Variants in PBX3 observed in about 807,000 individuals in gnomAD.
PBX3 encodes the protein PBX homeobox 3.
In PBX3, 14 loss-of-function variants were observed where a neutral mutation model predicts 48.5. That is an observed-to-expected ratio of 0.29 (90% CI 0.19 to 0.45). The LOEUF is 0.45. Ranked by LOEUF, PBX3 falls within the 20% of genes least tolerant of loss-of-function variation. The pLI is 1.00. For synonymous variants in PBX3, 210 were observed against 200.3 expected, an observed-to-expected ratio of 1.05 and a Z score of -0.41; for missense variants, 386 against 546.7, an observed-to-expected ratio of 0.71 and a Z score of 2.93.
intron 2 of PBX3, among the ~76,000 whole-genome samples, chr9:125,801,706 C>G (rs1284556386): frequency 2.6e-5 from 4 of 151,736 alleles, no homozygotes; most frequent in Non-Finnish European, 1.5e-5. Flanking sequence ...TCCAGCATTT[C>G]CCGTCATAGC....
intron 5 of PBX3, among the ~76,000 whole-genome samples, chr9:125,948,692 G>A (rs1479170189): frequency 7.0e-6 from 1 of 143,354 alleles, no homozygotes; most frequent in Non-Finnish European, 1.5e-5. Flanking sequence ...CTGTATATAT[G>A]TGCAGGTATA....
At chr9:125,914,558 T>TA (rs1841282839) in intron 2 of PBX3, among the ~76,000 whole-genome samples, 2 of 152,152 alleles carry the variant, frequency 1.3e-5, no homozygotes, top group African/African-American at 4.8e-5. Context: ...TCATGTAAGT[T>TA]ACACTAGACA....
chr9:125,813,399 C>T (rs1258017600), intron 2 of PBX3, among the ~76,000 whole-genome samples: 2 of 152,078 alleles, frequency 1.3e-5, no homozygotes, highest in Admixed American at 6.5e-5. Flanking sequence ...CTTATGAAAC[C>T]ATCATTGTAT....
At chr9:125,880,836 T>G (rs1840364211) in intron 2 of PBX3, among the ~76,000 whole-genome samples, 1 of 152,226 alleles carries the variant, frequency 6.6e-6, no homozygotes, top group African/African-American at 2.4e-5. Flanking sequence ...TAGAGTTTCC[T>G]TACTAAAAAT....
intron 2 of PBX3, among the ~76,000 whole-genome samples, chr9:125,863,706 C>A (rs1182025301): frequency 6.6e-6 from 1 of 152,138 alleles, no homozygotes; most frequent in East Asian, 1.9e-4. Context: ...ACCTAAGAAA[C>A]CAGCATTTCT....
chr9:125,776,856 AT>A (rs1177794428), intron 2 of PBX3, among the ~76,000 whole-genome samples: 1 of 152,028 alleles, frequency 6.6e-6, no homozygotes, highest in African/African-American at 2.4e-5. Context: ...CATGATATTA[AT>A]ATTACTTTCA....
intron 2 of PBX3, among the ~76,000 whole-genome samples, chr9:125,886,434 C>T (rs112334053): frequency 0.021 from 3,140 of 152,162 alleles, 35 homozygotes; most frequent in Middle Eastern, 0.048. Context: ...AAGGTTCAAA[C>T]AGTTTCAAAT....
At chr9:125,824,418 C>A (rs768626160) in intron 2 of PBX3, among the ~76,000 whole-genome samples, 9 of 152,256 alleles carry the variant, frequency 5.9e-5, no homozygotes, top group Non-Finnish European at 1.3e-4. Flanking sequence ...CCTTATTGAT[C>A]CAGTATTTCA....
At chr9:125,880,902 T>C (rs546864383) in intron 2 of PBX3, among the ~76,000 whole-genome samples, 3 of 152,342 alleles carry the variant, frequency 2.0e-5, no homozygotes, top group South Asian at 2.1e-4. Flanking sequence ...AACTGTCTTA[T>C]TGAATAGAAC....
chr9:125,800,956 T>C (rs1277827785), intron 2 of PBX3, among the ~76,000 whole-genome samples: 2 of 152,082 alleles, frequency 1.3e-5, no homozygotes, highest in African/African-American at 4.8e-5. Context: ...TTTCACCATG[T>C]TGGCCAGGCT....
chr9:125,905,577 G>T (rs1841051037), intron 2 of PBX3, among the ~76,000 whole-genome samples: 1 of 151,650 alleles, frequency 6.6e-6, no homozygotes, highest in African/African-American at 2.4e-5. Flanking sequence ...CTTTGCTGTA[G>T]ATTAGTTTCC....
chr9:125,763,180 A>G (rs1443472219), intron 2 of PBX3, among the ~76,000 whole-genome samples: 2 of 152,220 alleles, frequency 1.3e-5, no homozygotes, highest in African/African-American at 2.4e-5. Flanking sequence ...TTTGCAGTCT[A>G]ATTTTTCTTT....
intron 2 of PBX3, chr9:125,749,675 G>A (rs1836316547): frequency 6.6e-6 from 1 of 151,826 alleles, no homozygotes; most frequent in South Asian, 2.1e-4. Context: ...ATCCAAGGGA[G>A]GCTATTTAGA....
chr9:125,940,919 T>C (rs1318492640), intron 5 of PBX3, among the ~76,000 whole-genome samples: 2 of 152,218 alleles, frequency 1.3e-5, no homozygotes, highest in Non-Finnish European at 2.9e-5. Flanking sequence ...TTCATTAAAC[T>C]CTATACCTAT....
At chr9:125,778,382 C>G (rs910939815) in intron 2 of PBX3, among the ~76,000 whole-genome samples, 5 of 151,956 alleles carry the variant, frequency 3.3e-5, no homozygotes, top group African/African-American at 1.2e-4. Flanking sequence ...CTCAGCCTCC[C>G]GAATAGCTGG....
intron 2 of PBX3, among the ~76,000 whole-genome samples, chr9:125,823,469 T>A (rs1056944521): frequency 2.6e-5 from 4 of 152,198 alleles, no homozygotes; most frequent in African/African-American, 9.6e-5. Flanking sequence ...ACAAAGATAG[T>A]TTTTAAAAGA....
rs565907433 is a variant in PBX3, at chr9:125,940,538, T to C, written c.843+4931T>C. ...GTGTACACATACTCACCAAAAGATA[T>C]GTATAGGAATATCCTTAGTAACAGT... On this transcript the variant is annotated intron_variant, in intron 5 of 8. Transcript: ENST00000373489. Among the ~76,000 whole-genome samples the C allele has an allele frequency of 7.9e-5, 12 of 152,308 alleles. No individual in the cohort carries two copies. The South Asian group carries it at 1.7e-3, about 21-fold the overall frequency.
At chr9:125,773,865 G>A (rs535316785) in intron 2 of PBX3, among the ~76,000 whole-genome samples, 2 of 152,064 alleles carry the variant, frequency 1.3e-5, no homozygotes, top group African/African-American at 4.8e-5. Flanking sequence ...GGTAAAATTT[G>A]CATAACCTAA....
At position 125,872,927 on chromosome 9, in the gene PBX3, C is replaced by T. The variant is rs546876863; in HGVS notation, c.275-42759C>T. Among the ~76,000 whole-genome samples, 3 of 151,424 alleles carry T rather than the reference C, an allele frequency of 2.0e-5. 1 individual carries two copies. In the South Asian group the frequency reaches 6.3e-4, roughly 32 times the overall value. On this transcript the variant is annotated intron_variant, in intron 2 of 8. Transcript: ENST00000373489. ...AAATTGACAGAATTTCGGCTGGGCG[C>T]GGTGGCTCACGTCTGTAATCCCAGC...
Sources: gnomAD v4.1 joint callset for allele counts (sites outside exome capture counted in the v4.1 genomes callset) on GRCh38, gnomAD v4.1.1 for gene constraint, MANE v1.5 for transcripts, NCBI Gene and HGNC (gene_info 2026-07-23, HGNC 2026-07-21) for gene names.